The following GEMIN5 variants were observed in gnomAD, a reference collection of about 807,000 sequenced individuals.
GEMIN5 encodes the protein gem-associated protein 5.
GEMIN5 carries 124 observed loss-of-function variants against 176.9 expected under a neutral mutation model. The observed-to-expected ratio is 0.70, with a 90% CI of 0.61 to 0.81. The LOEUF (loss-of-function observed/expected upper bound fraction) is 0.81. Among genes scored for constraint, GEMIN5 ranks in the 40% least tolerant of loss-of-function variants. The pLI, the probability that GEMIN5 is intolerant of heterozygous loss-of-function variation, is 0.00. For missense variants in GEMIN5, 1,843 were observed against 1,814.6 expected, an observed-to-expected ratio of 1.02 and a Z score of -0.28; for synonymous variants, 673 against 665.2, an observed-to-expected ratio of 1.01 and a Z score of -0.18.
Position 154,892,409 on chromosome 5 carries a change from C to G in GEMIN5, c.3738G>C (p.Val1246=). Reference sequence around the variant, plus strand: ...TACCGTCAGGGAGAAAGGCTGAGTACACTTCCTGCATGATGGTGAAGCTCC... The same window carrying G: ...TACCGTCAGGGAGAAAGGCTGAGTAGACTTCCTGCATGATGGTGAAGCTCC... ...DSGSFTIMQE[V]YSAFLPDGCD... The change falls in exon 25 of 28, where the codon GTG becomes GTC. Residue 1246 remains valine (V), a synonymous_variant. Transcript: ENST00000285873. 1.2e-6 allele frequency: 2 copies of G among 1,614,078 alleles called. No homozygotes were observed. The highest frequency in any genetic ancestry group is 3.3e-4 in the Middle Eastern group (2 of 6,062).
Position 154,903,100 on chromosome 5 carries a change from T to C in GEMIN5, c.2708A>G (p.Tyr903Cys). The change falls in exon 19 of 28, where the codon TAT becomes TGT. Residue 903 changes from tyrosine to cysteine, a missense_variant. By Grantham distance (194) the Tyr-to-Cys change is radical (BLOSUM62 -2). Transcript: ENST00000285873. ...CTCACCTTCAATATCAATCATTCTATACAGGGTAGCCCTGTCTGTGAAAAG... is the reference window on the plus strand; with the variant it reads ...CTCACCTTCAATATCAATCATTCTACACAGGGTAGCCCTGTCTGTGAAAAG... ...LGLFTDRATL[Y>C]RMIDIEGKGH... The C allele has an allele frequency of 6.2e-7, 1 of 1,600,020 alleles. No homozygotes were observed. The highest frequency in any genetic ancestry group is 2.2e-5 in the East Asian group (1 of 44,820).
At chr5:154,899,074 T>A (rs896096681) in intron 22 of GEMIN5, 117 bp downstream of exon 22, 3 of 997,928 alleles carry the variant, frequency 3.0e-6, no homozygotes, top group Non-Finnish European at 4.4e-6. Flanking sequence ...ACATATCTTT[T>A]AAATAATTCC....
chr5:154,906,642 C>G (rs1390330787), intron 16 of GEMIN5, among the ~76,000 whole-genome samples: 2 of 152,146 alleles, frequency 1.3e-5, no homozygotes, highest in African/African-American at 4.8e-5. Context: ...AGCGGTTCTC[C>G]TGCCTCAGCC....
At chr5:154,937,003 A>G (rs552501135) in intron 2 of GEMIN5, 22 bp downstream of exon 2, 6 of 1,593,906 alleles carry the variant, frequency 3.8e-6, no homozygotes, top group Admixed American at 3.4e-5. Context: ...AAACGGTTTG[A>G]GAAACCAGTA....
At chr5:154,933,696 T>A (rs1259157366) in intron 3 of GEMIN5, among the ~76,000 whole-genome samples, 2 of 152,208 alleles carry the variant, frequency 1.3e-5, no homozygotes, top group Admixed American at 6.5e-5. Flanking sequence ...TTTTTTTTTT[T>A]AAAAGAAACA....
intron 24 of GEMIN5, chr5:154,892,799 T>TA (rs1763263353): frequency 2.3e-6 from 1 of 433,562 alleles, no homozygotes; most frequent in Admixed American, 4.0e-5. Context: ...CATTTGCATT[T>TA]AATTAAAACA....
chr5:154,898,007 C>T (rs966290644), intron 23 of GEMIN5, among the ~76,000 whole-genome samples: 1 of 142,648 alleles, frequency 7.0e-6, no homozygotes, highest in Non-Finnish European at 1.5e-5. Context: ...TCAAGTGATT[C>T]TCCTGCCTCA....
chr5:154,929,966 T>A (rs1392559423), intron 5 of GEMIN5, among the ~76,000 whole-genome samples: 2 of 152,236 alleles, frequency 1.3e-5, no homozygotes, highest in African/African-American at 4.8e-5. Context: ...GTGTGAGATA[T>A]GAGTTCTAAA....
chr5:154,931,439 A>G lies in GEMIN5; in HGVS notation c.781+19T>C, dbSNP rs752896103. On this transcript the variant is annotated intron_variant, in intron 5 of 27. Coordinates refer to ENST00000285873, the MANE Select transcript of GEMIN5 (RefSeq NM_015465.5). ...CCAGATCAACATAGGTTACATCACA[A>G]AAGAAAGATCAATCTTACCTCGGCC... The G allele has an allele frequency of 1.3e-6, 2 of 1,595,278 alleles. No homozygotes were observed. The highest frequency in any genetic ancestry group is 3.4e-5 in the Admixed American group (2 of 58,462).
chr5:154,906,863 T>C (rs1763578586), intron 16 of GEMIN5, among the ~76,000 whole-genome samples: 1 of 152,274 alleles, frequency 6.6e-6, no homozygotes, highest in African/African-American at 2.4e-5. Flanking sequence ...GATTCTGTTT[T>C]AGAATTAAGT....
At chr5:154,928,685 G>C (rs768401243) in intron 5 of GEMIN5, 26 bp from the exon 6 acceptor site, 1 of 1,611,996 alleles carries the variant, frequency 6.2e-7, no homozygotes, top group Non-Finnish European at 8.5e-7. Flanking sequence ...AAGGCCAGTG[G>C]GCACTCAAGA....
At chr5:154,928,902 T>A (rs976117024) in intron 5 of GEMIN5, among the ~76,000 whole-genome samples, 5 of 152,056 alleles carry the variant, frequency 3.3e-5, no homozygotes, top group Non-Finnish European at 7.4e-5. Flanking sequence ...CGACAGGCTA[T>A]CTTGACAACC....
intron 18 of GEMIN5, among the ~76,000 whole-genome samples, 161 bp downstream of exon 18, chr5:154,904,346 T>C (rs1472493240): frequency 6.6e-6 from 1 of 152,128 alleles, no homozygotes; most frequent in Non-Finnish European, 1.5e-5. Context: ...CAGCAAGGTG[T>C]AGGGGTATAG....
intron 21 of GEMIN5, among the ~76,000 whole-genome samples, chr5:154,900,830 A>C (rs1030504184): frequency 6.6e-6 from 1 of 151,984 alleles, no homozygotes; most frequent in Admixed American, 6.6e-5. Flanking sequence ...GAGACATCTG[A>C]GTTTTGATTT....
chr5:154,900,069 T>C (rs746878050), intron 21 of GEMIN5, among the ~76,000 whole-genome samples: 1 of 152,198 alleles, frequency 6.6e-6, no homozygotes, highest in Non-Finnish European at 1.5e-5. Flanking sequence ...AATGATAAAA[T>C]GCGAGTTTTC....
At chr5:154,905,820 C>G (rs545893286) in intron 16 of GEMIN5, among the ~76,000 whole-genome samples, 1 of 152,120 alleles carries the variant, frequency 6.6e-6, no homozygotes, top group East Asian at 1.9e-4. Context: ...CTGCCTGAGC[C>G]TCGCCAGTAG....
At chr5:154,909,360 C>T (rs1246406924) in intron 15 of GEMIN5, among the ~76,000 whole-genome samples, 1 of 151,984 alleles carries the variant, frequency 6.6e-6, no homozygotes, top group Non-Finnish European at 1.5e-5. Context: ...CAAGGAAGAG[C>T]TTGTGCTTCT....
intron 16 of GEMIN5, among the ~76,000 whole-genome samples, chr5:154,907,034 A>G (rs1024599074): frequency 2.0e-5 from 3 of 152,314 alleles, no homozygotes; most frequent in Middle Eastern, 3.4e-3. Flanking sequence ...TTTTTTTGTT[A>G]GTGATAGAAC....
chr5:154,904,733 G>T, intron 17 of GEMIN5, 104 bp from the exon 18 acceptor site: 1 of 787,686 alleles, frequency 1.3e-6, no homozygotes, highest in Non-Finnish European at 2.1e-6. Flanking sequence ...CGACACCACA[G>T]GCAGAGAAAG....
Sources: allele counts gnomAD v4.1 joint callset (sites outside exome capture counted in the v4.1 genomes callset), GRCh38; gene constraint gnomAD v4.1.1; transcripts MANE v1.5; gene names NCBI Gene and HGNC (gene_info 2026-07-23, HGNC 2026-07-21).